SP4: variants seen among roughly 807,000 people sequenced by gnomAD.
The protein encoded by SP4 is Sp4 transcription factor, also known as transcription factor Sp4.
Under a neutral mutation model 72.8 loss-of-function variants are expected in SP4, and 19 were observed. The ratio of observed to expected loss-of-function variants is 0.26; its 90% confidence interval spans 0.18 to 0.38. The LOEUF (loss-of-function observed/expected upper bound fraction) is 0.38, where lower values mean the gene tolerates loss of function less well. Among genes scored for constraint, SP4 ranks in the 10% least tolerant of loss-of-function variants. The pLI is 1.00. For synonymous variants in SP4, 395 were observed against 333.1 expected, an observed-to-expected ratio of 1.19 and a Z score of -2.02; for missense variants, 1,008 against 926.3, an observed-to-expected ratio of 1.09 and a Z score of -1.14.
In SP4 at chr7:21,428,256, G is replaced by C. The variant is rs879283909; in HGVS notation, c.5G>C (p.Ser2Thr). 2.0e-6 allele frequency: 3 copies of C among 1,509,726 alleles called. No homozygotes were observed. Among genetic ancestry groups the C allele is most frequent in the African/African-American group, 2.8e-5 (2 of 71,562 alleles). 93.5% of individuals were successfully genotyped at this position (1,509,726 alleles called of 1,614,324 possible). Residue 2 changes from serine (S) to threonine (T), a missense_variant and splice_region_variant, in exon 1 of 6, where the codon AGC (serine) becomes ACC (threonine). Transcript: ENST00000222584. ...GGTTTGTCCTGTTAATGCGGGATGA[G>C]CGGTACGTATTCTCCACCCCCCTCA... is the stretch of plus-strand genomic sequence containing the variant. M[S>T]DQKKEEEEEA...
At chr7:21,485,841 C>T (rs887464550) in intron 5 of SP4, among the ~76,000 whole-genome samples, 1 of 151,960 alleles carries the variant, frequency 6.6e-6, no homozygotes, top group South Asian at 2.1e-4. Flanking sequence ...TTCTAATGAA[C>T]ATGAACAGTT....
intron 5 of SP4, among the ~76,000 whole-genome samples, chr7:21,489,493 T>G (rs888661683): frequency 9.9e-5 from 15 of 151,520 alleles, no homozygotes; most frequent in African/African-American, 3.6e-4. Context: ...AGCTAATTTT[T>G]TTTTTTTTTT....
At chr7:21,482,824 A>G in intron 5 of SP4, 1 of 876,760 alleles carries the variant, frequency 1.1e-6, no homozygotes, top group Non-Finnish European at 1.4e-6. Context: ...GTTTGTACAT[A>G]TATGTATATT....
At chr7:21,492,378 C>G (rs1178491991) in intron 5 of SP4, among the ~76,000 whole-genome samples, 1 of 152,164 alleles carries the variant, frequency 6.6e-6, no homozygotes, top group Admixed American at 6.5e-5. Context: ...TTGATAATCT[C>G]TAATTCACAG....
chr7:21,505,282 A>G (rs913820188), intron 5 of SP4, among the ~76,000 whole-genome samples: 9 of 152,098 alleles, frequency 5.9e-5, no homozygotes, highest in Admixed American at 2.6e-4. Context: ...TGTCCTAAAT[A>G]TTTAACTTCT....
At chr7:21,457,437 C>G (rs1484898380) in intron 3 of SP4, among the ~76,000 whole-genome samples, 1 of 152,018 alleles carries the variant, frequency 6.6e-6, no homozygotes, top group East Asian at 1.9e-4. Context: ...GTGGTTGGTG[C>G]TTAATGAATA....
chr7:21,477,093 C>G lies in SP4; in HGVS notation c.1693C>G (p.Gln565Glu). ...ITSVAGQQQG[Q>E]DGVKVQQATI... ...TTCCTTTTTAGGTCAGCAGCAAGGA[C>G]AAGATGGAGTAAAAGTCCAGCAAGC... The change falls in exon 4 of 6, where the codon CAA (glutamine) becomes GAA (glutamate). Residue 565 changes from glutamine to glutamate, a missense_variant. Physicochemically the swap from Gln to Glu is conservative, Grantham distance 29. This residue lies in a region of SP4 where 893 missense variants were observed against 743.3 expected (regional missense o/e 1.20). Coordinates refer to ENST00000222584, the MANE Select transcript of SP4 (RefSeq NM_003112.5). 3.1e-6 allele frequency: 5 copies of G among 1,612,960 alleles called. No homozygotes were observed. The highest frequency in any genetic ancestry group is 3.4e-6 in the Non-Finnish European group (4 of 1,179,346).
chr7:21,494,878 A>T (rs754221330), intron 5 of SP4, among the ~76,000 whole-genome samples: 8 of 152,172 alleles, frequency 5.3e-5, no homozygotes, highest in Non-Finnish European at 1.2e-4. Context: ...TGTTCCTGTA[A>T]AGCTACACTA....
chr7:21,467,881 T>C (rs958424933), intron 3 of SP4, among the ~76,000 whole-genome samples: 7 of 152,120 alleles, frequency 4.6e-5, no homozygotes, highest in African/African-American at 1.7e-4. Context: ...GTTCCCTAGG[T>C]TATATGCACA....
chr7:21,492,794 A>G (rs977450629), intron 5 of SP4, among the ~76,000 whole-genome samples: 3 of 152,256 alleles, frequency 2.0e-5, no homozygotes, highest in Non-Finnish European at 4.4e-5. Flanking sequence ...TATCTGAATA[A>G]CACTCCACTT....
In SP4 at chr7:21,477,203, G is replaced by C. The variant is rs1226156874; in HGVS notation, c.1803G>C (p.Val601=). 1.9e-6 allele frequency: 3 copies of C among 1,614,090 alleles called. No individual in the cohort carries two copies. In the African/African-American group the frequency reaches 4.0e-5, roughly 22 times the overall value. The change falls in exon 4 of 6, where the codon GTG becomes GTC. Residue 601 remains valine (V), a synonymous_variant. Coordinates refer to ENST00000222584, the MANE Select transcript of SP4 (RefSeq NM_003112.5). ...TTAGTCCTGACCAACTCACACAAGT[G>C]CATTTGCAGCAAGGCCAGCAGACTT... ...GAVSPDQLTQ[V]HLQQGQQTSD... is the part of the protein sequence containing the mutation.
rs1306901825 is a variant in SP4 at position 21,513,631 on chromosome 7, CAG to C, written c.*2365_*2366del. The C allele has an allele frequency of 7.2e-5, 11 of 152,528 alleles. No individual in the cohort carries two copies. The highest frequency in any genetic ancestry group is 6.8e-3 in the Middle Eastern group (2 of 292). The allele number at this position is 152,528 out of a possible 1,614,324, so 9.4% of individuals were successfully genotyped here. On this transcript the variant is annotated 3_prime_UTR_variant, in exon 6 of 6. Coordinates refer to ENST00000222584, the MANE Select transcript of SP4 (RefSeq NM_003112.5). ...TCTTAATGTTTTAATCATGTTTCCT[CAG>C]AGTGACACTTTTTGTTGTTGTTAAT...
chr7:21,449,049 CAG>C (rs2128397685), intron 3 of SP4, among the ~76,000 whole-genome samples: 1 of 152,280 alleles, frequency 6.6e-6, no homozygotes, highest in South Asian at 2.1e-4. Context: ...CCAACCAATC[CAG>C]AGCCTGCATC....
chr7:21,428,320 A>G, intron 1 of SP4, 62 bp downstream of exon 1: 1 of 864,402 alleles, frequency 1.2e-6, no homozygotes, highest in Middle Eastern at 2.1e-4. Context: ...CCCTCCCCAG[A>G]CCCTGCTCGG....
intron 5 of SP4, among the ~76,000 whole-genome samples, chr7:21,489,906 C>G (rs1784928081): frequency 6.6e-6 from 1 of 152,136 alleles, no homozygotes; most frequent in Non-Finnish European, 1.5e-5. Flanking sequence ...CCACCTCAGC[C>G]TCTCAAAGTG....
intron 5 of SP4, among the ~76,000 whole-genome samples, chr7:21,503,516 TA>T (rs755579434): frequency 1.1e-4 from 17 of 152,246 alleles, no homozygotes; most frequent in Non-Finnish European, 2.2e-4. Flanking sequence ...ATTTAATTTG[TA>T]AACCTTCCAT....
intron 3 of SP4, among the ~76,000 whole-genome samples, chr7:21,458,940 A>G (rs1350663268): frequency 6.6e-6 from 1 of 152,182 alleles, no homozygotes; most frequent in Non-Finnish European, 1.5e-5. Context: ...ATGACAGCTT[A>G]ACAGTGTTGG....
chr7:21,429,921 A>T lies in SP4; in HGVS notation c.756A>T (p.Gln252His). ...AGACTCTTCCTGGTACTCAGGCTCA[A>T]GTTGTAACAACCCTACCAATTAACA... is the stretch of plus-strand genomic sequence containing the variant. ...QLQTLPGTQA[Q>H]VVTTLPINIG... is the part of the protein sequence containing the mutation. Residue 252 changes from glutamine to histidine, a missense_variant, in exon 3 of 6, where the codon CAA (glutamine) becomes CAT (histidine). Transcript: ENST00000222584. 6.2e-7 allele frequency: 1 copy of T among 1,614,216 alleles called. No homozygotes were observed. The highest frequency in any genetic ancestry group is 8.5e-7 in the Non-Finnish European group (1 of 1,180,022).
chr7:21,436,009 C>T (rs1224468449), intron 3 of SP4, among the ~76,000 whole-genome samples: 2 of 152,212 alleles, frequency 1.3e-5, no homozygotes, highest in East Asian at 3.9e-4. Flanking sequence ...AGTGATTCTC[C>T]GGCCTCAGCT....
Sources: gnomAD v4.1 joint callset for allele counts (sites outside exome capture counted in the v4.1 genomes callset) on GRCh38, gnomAD v4.1.1 for gene constraint, gnomAD v4.1.1 regional missense constraint, MANE v1.5 for transcripts, NCBI Gene and HGNC (gene_info 2026-07-23, HGNC 2026-07-21) for gene names.